The following TRPM3 variants were observed in gnomAD, a reference collection of about 807,000 sequenced individuals.
TRPM3 encodes transient receptor potential cation channel subfamily M member 3.
In TRPM3, 77 loss-of-function variants were observed where a neutral mutation model predicts 181.2. The observed-to-expected ratio is 0.42, with a 90% CI of 0.35 to 0.51. The LOEUF is 0.51. TRPM3 is among the 20% of genes least tolerant of loss of function. The probability of loss-of-function intolerance (pLI) is 0.01; values close to 1 mark genes in which losing one functional copy is unlikely to be tolerated. For synonymous variants in TRPM3, 745 were observed against 796.4 expected (o/e 0.94, Z 1.09); for missense variants, 1,759 against 2,196.7 (o/e 0.80, Z 3.98).
intron 1 of TRPM3, among the ~76,000 whole-genome samples, chr9:70,982,887 G>A (rs2134037821): frequency 6.6e-6 from 1 of 152,154 alleles, no homozygotes; most frequent in South Asian, 2.1e-4. Flanking sequence ...TTTTAGTAAA[G>A]ATGGGGTTTC....
chr9:70,905,926 C>G (rs1178808368), intron 1 of TRPM3, among the ~76,000 whole-genome samples: 1 of 151,986 alleles, frequency 6.6e-6, no homozygotes, highest in African/African-American at 2.4e-5. Context: ...TTTGTAGTGA[C>G]AGGGTCTCAC....
chr9:70,645,876 A>T (rs1444714356), intron 9 of TRPM3, among the ~76,000 whole-genome samples: 1 of 152,226 alleles, frequency 6.6e-6, no homozygotes, highest in Non-Finnish European at 1.5e-5. Flanking sequence ...AACTTAAACA[A>T]ATTTACAAGA....
chr9:71,117,754 A>G (rs569134954), intron 1 of TRPM3, among the ~76,000 whole-genome samples: 2 of 152,268 alleles, frequency 1.3e-5, no homozygotes, highest in African/African-American at 2.4e-5. Flanking sequence ...TAAAAATTTG[A>G]AAGTCTTAAA....
chr9:70,845,718 A>C (rs1040186984), intron 4 of TRPM3, among the ~76,000 whole-genome samples: 1 of 152,326 alleles, frequency 6.6e-6, no homozygotes, highest in African/African-American at 2.4e-5. Context: ...GGAGTATGCC[A>C]AAAACATTTA....
At chr9:70,841,661 T>C (rs7874341) in intron 5 of TRPM3, among the ~76,000 whole-genome samples, 9 of 86,090 alleles carry the variant, frequency 1.0e-4, no homozygotes, top group Admixed American at 2.5e-4. Flanking sequence ...TATATATATA[T>C]CCCACCATAT....
At chr9:71,051,082 A>T (rs1292928967) in intron 1 of TRPM3, among the ~76,000 whole-genome samples, 2 of 152,162 alleles carry the variant, frequency 1.3e-5, no homozygotes, top group African/African-American at 4.8e-5. Context: ...GAAAAGAGGG[A>T]GATGACTGGG....
intron 1 of TRPM3, among the ~76,000 whole-genome samples, chr9:71,404,909 C>A (rs527610299): frequency 6.6e-6 from 1 of 152,316 alleles, no homozygotes; most frequent in East Asian, 1.9e-4. Flanking sequence ...ATCTCTAGAT[C>A]TAAACCAAAT....
At chr9:71,132,628 T>C (rs1441620538) in intron 1 of TRPM3, among the ~76,000 whole-genome samples, 1 of 152,188 alleles carries the variant, frequency 6.6e-6, no homozygotes, top group Non-Finnish European at 1.5e-5. Flanking sequence ...TAGGAAAATG[T>C]ATTGTCTTCC....
intron 5 of TRPM3, among the ~76,000 whole-genome samples, chr9:70,831,997 ACCT>A (rs2093963518): frequency 8.0e-6 from 1 of 125,094 alleles, no homozygotes; most frequent in African/African-American, 3.2e-5. Flanking sequence ...ATATATATAT[ACCT>A]ACTATGTACC....
chr9:70,659,081 G>T (rs34302913), intron 9 of TRPM3, among the ~76,000 whole-genome samples: 58,332 of 151,854 alleles, frequency 0.38, 11,688 homozygotes, highest in African/African-American at 0.49. Context: ...TTTGTGAGTA[G>T]TCTTAACTTA....
intron 5 of TRPM3, among the ~76,000 whole-genome samples, chr9:70,832,812 A>G (rs2094030928): frequency 6.6e-6 from 1 of 152,210 alleles, no homozygotes; most frequent in African/African-American, 2.4e-5. Flanking sequence ...ACAGGAAGTC[A>G]GGAGATGGGT....
In TRPM3 at chr9:70,862,889, T is replaced by A. The variant is rs1283225078; in HGVS notation, c.462+19A>T. The stretch of plus-strand genomic sequence containing the variant: ...ACTTGAGATAGCATTTGGGAGCAAC[T>A]GAATGGCTTTCTGATTACCATGGCT... On this transcript the variant is annotated intron_variant, in intron 3 of 25. Coordinates refer to ENST00000677713, the MANE Select transcript of TRPM3 (RefSeq NM_001366145.2). 6.2e-7 allele frequency: 1 copy of A among 1,612,398 alleles called. No homozygotes were observed. The highest frequency in any genetic ancestry group is 8.5e-7 in the Non-Finnish European group (1 of 1,178,954).
intron 1 of TRPM3, among the ~76,000 whole-genome samples, chr9:71,217,447 G>C (rs1312220694): frequency 6.6e-6 from 1 of 152,190 alleles, no homozygotes; most frequent in Non-Finnish European, 1.5e-5. Flanking sequence ...CCATAATAAA[G>C]TCAACGGCTA....
intron 1 of TRPM3, among the ~76,000 whole-genome samples, chr9:71,266,513 T>C (rs1188915837): frequency 6.6e-6 from 1 of 152,186 alleles, no homozygotes; most frequent in Non-Finnish European, 1.5e-5. Flanking sequence ...TTATCCCTCT[T>C]TCTCTCCCAT....
chr9:71,180,430 T>C (rs1437699723), intron 1 of TRPM3, among the ~76,000 whole-genome samples: 1 of 152,154 alleles, frequency 6.6e-6, no homozygotes, highest in Non-Finnish European at 1.5e-5. Flanking sequence ...GGGAATTTAA[T>C]CTAGATATAA....
At chr9:70,866,025 A>G (rs1433061699) in intron 1 of TRPM3, among the ~76,000 whole-genome samples, 1 of 152,058 alleles carries the variant, frequency 6.6e-6, no homozygotes, top group African/African-American at 2.4e-5. Context: ...AAACAAGTAG[A>G]AAAGGCTAGT....
intron 1 of TRPM3, among the ~76,000 whole-genome samples, chr9:71,284,042 G>C (rs2085074513): frequency 6.6e-6 from 1 of 152,210 alleles, no homozygotes; most frequent in Non-Finnish European, 1.5e-5. Flanking sequence ...CCACTTGCTA[G>C]CTAAATGACC....
chr9:70,787,025 A>G lies in TRPM3; in HGVS notation c.974-2746T>C, dbSNP rs1163139343. On this transcript the variant is annotated intron_variant, in intron 6 of 25. Coordinates refer to ENST00000677713, the MANE Select transcript of TRPM3 (RefSeq NM_001366145.2). ...AAGACAGCAGGAAAGATGGCTGGAA[A>G]CCTCCTCTCCCTTTGAGAGCATACA... Among the ~76,000 whole-genome samples, 2 of 151,798 alleles carry G rather than the reference A, an allele frequency of 1.3e-5. 1 individual carries two copies. Among genetic ancestry groups the G allele is most frequent in the Non-Finnish European group, 2.9e-5 (2 of 67,960 alleles).
At chr9:70,852,690 T>C (rs541551452) in intron 3 of TRPM3, among the ~76,000 whole-genome samples, 28 of 152,202 alleles carry the variant, frequency 1.8e-4, no homozygotes, top group Non-Finnish European at 3.8e-4. Context: ...ATTAAAATTC[T>C]TCCATCAGAT....
Sources: allele counts gnomAD v4.1 joint callset (sites outside exome capture counted in the v4.1 genomes callset), GRCh38; gene constraint gnomAD v4.1.1; transcripts MANE v1.5; gene names NCBI Gene and HGNC (gene_info 2026-07-23, HGNC 2026-07-21).